The following RFX3 variants were observed in gnomAD, a reference collection of about 807,000 sequenced individuals.
RFX3 encodes transcription factor RFX3.
Under a neutral mutation model 98.6 loss-of-function variants are expected in RFX3, and 14 were observed. The observed-to-expected ratio is 0.14, with a 90% CI of 0.09 to 0.22. The LOEUF is 0.22. Ranked by LOEUF, RFX3 falls within the 10% of genes least tolerant of loss-of-function variation. The probability of loss-of-function intolerance (pLI) is 1.00; values close to 1 mark genes in which losing one functional copy is unlikely to be tolerated. For missense variants in RFX3, 639 were observed against 926.9 expected (o/e 0.69, Z 4.03); for synonymous variants, 383 against 328.4 (o/e 1.17, Z -1.80).
chr9:3,412,957 G>T (rs757515347), intron 1 of RFX3, among the ~76,000 whole-genome samples: 1 of 151,982 alleles, frequency 6.6e-6, no homozygotes, highest in Non-Finnish European at 1.5e-5. Flanking sequence ...CAGAAAATAA[G>T]ATTCTAATAT....
intron 1 of RFX3, among the ~76,000 whole-genome samples, chr9:3,501,343 A>C (rs10758286): frequency 0.2 from 30,095 of 151,960 alleles, 5,299 homozygotes; most frequent in East Asian, 0.58. Flanking sequence ...GAGTTGGTAA[A>C]CAAGAACTTG....
intron 1 of RFX3, among the ~76,000 whole-genome samples, chr9:3,450,511 A>AT (rs962681069): frequency 2.6e-5 from 4 of 152,166 alleles, no homozygotes; most frequent in Non-Finnish European, 4.4e-5. Context: ...TAAAAAGAAC[A>AT]TTTTTTTAAA....
At chr9:3,352,212 T>G (rs1228035421) in intron 2 of RFX3, among the ~76,000 whole-genome samples, 1 of 152,022 alleles carries the variant, frequency 6.6e-6, no homozygotes, top group African/African-American at 2.4e-5. Flanking sequence ...CAAAAATAAA[T>G]TTATGAATAT....
At chr9:3,420,683 A>T in intron 1 of RFX3, 2 of 586,440 alleles carry the variant, frequency 3.4e-6, no homozygotes, top group Non-Finnish European at 4.3e-6. Flanking sequence ...AGTAAATTTT[A>T]AGAGGCAGGT....
chr9:3,300,970 A>G (rs1207080838), intron 5 of RFX3, among the ~76,000 whole-genome samples: 1 of 151,892 alleles, frequency 6.6e-6, no homozygotes, highest in African/African-American at 2.4e-5. Flanking sequence ...TTAGCAATTT[A>G]TGGCTTGTAG....
chr9:3,228,210 C>T (rs956450341), intron 16 of RFX3, among the ~76,000 whole-genome samples: 37 of 152,232 alleles, frequency 2.4e-4, no homozygotes, highest in African/African-American at 8.9e-4. Flanking sequence ...GATTTGTGTG[C>T]TCTATCCGCA....
At chr9:3,258,855 T>C (rs542361113) in intron 13 of RFX3, among the ~76,000 whole-genome samples, 76 of 151,228 alleles carry the variant, frequency 5.0e-4, no homozygotes, top group African/African-American at 1.8e-3. Context: ...TAAATATATA[T>C]TTGTATTATA....
At chr9:3,284,944 T>C (rs1224406165) in intron 7 of RFX3, among the ~76,000 whole-genome samples, 1 of 151,756 alleles carries the variant, frequency 6.6e-6, no homozygotes, top group Non-Finnish European at 1.5e-5. Flanking sequence ...TATAGATAAA[T>C]GGAGATTTCC....
At chr9:3,371,319 C>A (rs1346978615) in intron 2 of RFX3, among the ~76,000 whole-genome samples, 1 of 152,156 alleles carries the variant, frequency 6.6e-6, no homozygotes, top group East Asian at 1.9e-4. Context: ...AATTCCATTT[C>A]TTTAGCAGCA....
At chr9:3,421,289 A>AG (rs1331590202) in intron 1 of RFX3, among the ~76,000 whole-genome samples, 1 of 152,246 alleles carries the variant, frequency 6.6e-6, no homozygotes, top group Non-Finnish European at 1.5e-5. Flanking sequence ...AAGTGGAGAA[A>AG]GCTAACAAAA....
chr9:3,232,839 G>C (rs1017400325), intron 15 of RFX3, among the ~76,000 whole-genome samples: 1 of 148,790 alleles, frequency 6.7e-6, no homozygotes, highest in Non-Finnish European at 1.5e-5. Flanking sequence ...GGAGGGGAGG[G>C]AGGGGAAGGG....
At chr9:3,504,952 ATATAT>A (rs1406258517) in intron 1 of RFX3, among the ~76,000 whole-genome samples, 3 of 69,608 alleles carry the variant, frequency 4.3e-5, no homozygotes, top group African/African-American at 7.6e-5. Context: ...ATAATATAAT[ATATAT>A]TATATATAAT....
chr9:3,386,729 GCA>G (rs780120488), intron 2 of RFX3, among the ~76,000 whole-genome samples: 20 of 152,154 alleles, frequency 1.3e-4, no homozygotes, highest in Non-Finnish European at 2.6e-4. Flanking sequence ...GTCCAGAAGT[GCA>G]CAGTTTCAAG....
At chr9:3,256,462 T>A (rs1335893306) in intron 14 of RFX3, among the ~76,000 whole-genome samples, 1 of 152,206 alleles carries the variant, frequency 6.6e-6, no homozygotes, top group African/African-American at 2.4e-5. Context: ...AAGTACTTTT[T>A]AAAACATAAA....
At chr9:3,301,393 A>G (rs983204655) in intron 5 of RFX3, 153 bp downstream of exon 5, 51 of 497,544 alleles carry the variant, frequency 1.0e-4, no homozygotes, top group Admixed American at 3.0e-5. Flanking sequence ...ACTGTACAAA[A>G]TAGCCATTAA....
At chr9:3,307,590 C>T (rs1252403095) in intron 4 of RFX3, among the ~76,000 whole-genome samples, 2 of 152,118 alleles carry the variant, frequency 1.3e-5, no homozygotes, top group South Asian at 2.1e-4. Flanking sequence ...CTTGGTAGTG[C>T]TGTATTTTTA....
At chr9:3,234,422 T>G (rs1427863297) in intron 15 of RFX3, among the ~76,000 whole-genome samples, 1 of 152,332 alleles carries the variant, frequency 6.6e-6, no homozygotes, top group Non-Finnish European at 1.5e-5. Flanking sequence ...GCGTATTGCT[T>G]AAGCCCAGGA....
At chr9:3,388,649 A>T (rs1839970074) in intron 2 of RFX3, among the ~76,000 whole-genome samples, 1 of 152,122 alleles carries the variant, frequency 6.6e-6, no homozygotes, top group African/African-American at 2.4e-5. Context: ...TTTATGGCAT[A>T]CAAAGGGGTT....
intron 1 of RFX3, chr9:3,452,295 A>C: frequency 4.6e-6 from 1 of 215,968 alleles, no homozygotes; most frequent in Non-Finnish European, 1.0e-5. Flanking sequence ...TCATTTTTTA[A>C]AAAAACAACT....
Sources: gnomAD v4.1 joint callset for allele counts (sites outside exome capture counted in the v4.1 genomes callset) on GRCh38, gnomAD v4.1.1 for gene constraint, MANE v1.5 for transcripts, NCBI Gene and HGNC (gene_info 2026-07-23, HGNC 2026-07-21) for gene names.